KSR1: variants seen among roughly 807,000 people sequenced by gnomAD.
KSR1 encodes kinase suppressor of ras.
KSR1 carries 35 observed loss-of-function variants against 92.9 expected under a neutral mutation model. The ratio of observed to expected loss-of-function variants is 0.38; its 90% CI spans 0.29 to 0.50. KSR1 has a LOEUF of 0.50. KSR1 is among the 20% of genes least tolerant of loss of function. The pLI is 0.94. For missense variants in KSR1, 972 were observed against 1,158.5 expected, an observed-to-expected ratio of 0.84 and a Z score of 2.34; for synonymous variants, 467 against 472.6, an observed-to-expected ratio of 0.99 and a Z score of 0.15.
At chr17:27,615,966 G>T (rs2074042768) in intron 18 of KSR1, among the ~76,000 whole-genome samples, 1 of 152,142 alleles carries the variant, frequency 6.6e-6, no homozygotes, top group Non-Finnish European at 1.5e-5. Flanking sequence ...TGAGAAGTCT[G>T]GTGTTGGTCT....
rs536263618 is a variant in KSR1, at chr17:27,577,069, C to T, written c.373-423C>T. On this transcript the variant is annotated intron_variant, in intron 2 of 20. Transcript: ENST00000644974. This position sits in a 1 kb window ranked among gnomAD's most constrained non-coding sequence, Gnocchi z 4.5. ...TTTTGTTTTTTTTTTTTAAATCCTTCCTTTCTTGAGCCAGTTTGATTTGAA... is the reference window on the plus strand; with the variant it reads ...TTTTGTTTTTTTTTTTTAAATCCTTTCTTTCTTGAGCCAGTTTGATTTGAA... 1.3e-5 allele frequency among the ~76,000 whole-genome samples: 2 copies of T among 150,004 alleles called. No homozygotes were observed. The highest frequency in any genetic ancestry group is 4.2e-4 in the South Asian group (2 of 4,752).
chr17:27,535,104 G>T (rs953212455), intron 1 of KSR1, among the ~76,000 whole-genome samples: 4 of 152,108 alleles, frequency 2.6e-5, no homozygotes, highest in Admixed American at 6.5e-5. Flanking sequence ...TGTTTCAGGG[G>T]TGCTTGGTTT....
chr17:27,586,593 G>A (rs112865638), intron 5 of KSR1, among the ~76,000 whole-genome samples: 18 of 152,254 alleles, frequency 1.2e-4, no homozygotes, highest in African/African-American at 4.3e-4. Flanking sequence ...AACCTTGGAG[G>A]AACATTCAAC....
At chr17:27,536,113 G>A (rs1186080276) in intron 1 of KSR1, among the ~76,000 whole-genome samples, 1 of 152,232 alleles carries the variant, frequency 6.6e-6, no homozygotes, top group African/African-American at 2.4e-5. Context: ...CTGGGAGACA[G>A]GGCAGGCACA....
chr17:27,525,104 G>A (rs943843215), intron 1 of KSR1, among the ~76,000 whole-genome samples: 1 of 152,200 alleles, frequency 6.6e-6, no homozygotes, highest in Admixed American at 6.5e-5. Context: ...GCATTAATTT[G>A]CAGGCCACTT....
At position 27,625,487 on chromosome 17, in the gene KSR1, G is replaced by A. The variant is rs531505785; in HGVS notation, c.*2095G>A. The A allele has an allele frequency of 6.6e-6, 1 of 152,344 alleles. No homozygotes were observed. Among genetic ancestry groups the A allele is most frequent in the East Asian group, 1.9e-4 (1 of 5,194 alleles). The allele number at this position is 152,344 out of a possible 1,614,324, so 9.4% of individuals were successfully genotyped here. A position where few individuals can be genotyped will look rare whatever the true frequency, so the allele number is the denominator to read the frequency against. ...TCTTAAGGAACTGATGACCTGGTGG[G>A]GCCCTGTTGTCTTCAAGGAACCCAG... On this transcript the variant is annotated 3_prime_UTR_variant, in exon 21 of 21. Coordinates refer to ENST00000644974, the MANE Select transcript of KSR1 (RefSeq NM_001394583.1).
chr17:27,554,097 AG>A (rs1281431375), intron 2 of KSR1, among the ~76,000 whole-genome samples: 1 of 152,222 alleles, frequency 6.6e-6, no homozygotes, highest in African/African-American at 2.4e-5. Flanking sequence ...CATCAAAAAT[AG>A]GTGCAGTATT....
In KSR1 at chr17:27,610,191, G is replaced by A. The variant is rs764293717; in HGVS notation, c.2350G>A (p.Ala784Thr). The A allele has an allele frequency of 6.2e-7, 1 of 1,613,928 alleles. No individual in the cohort carries two copies. The highest frequency in any genetic ancestry group is 8.5e-7 in the Non-Finnish European group (1 of 1,179,808). ...ATTCTCCAAAGCTGCTGATGTCTATGCATTTGGGTGAGTAGGCCCCTGGTG... is the reference window on the plus strand; with the variant it reads ...ATTCTCCAAAGCTGCTGATGTCTATACATTTGGGTGAGTAGGCCCCTGGTG... ...LPFSKAADVY[A>T]FGTVWYELQA... The change falls in exon 17 of 21, where the codon GCA becomes ACA. Residue 784 changes from alanine (A) to threonine (T), a missense_variant. Around this residue, in one of 5 missense-constraint regions of KSR1, gnomAD observed 260 missense variants for 375.2 expected, o/e 0.69. Transcript: ENST00000644974.
intron 18 of KSR1, 63 bp from the exon 19 acceptor site, chr17:27,617,232 C>T (rs562269606): frequency 2.7e-5 from 41 of 1,542,740 alleles, no homozygotes; most frequent in Admixed American, 8.9e-5. Flanking sequence ...GTGGAGCACC[C>T]CTACTGTGTG....
At chr17:27,508,321 T>C (rs753758053) in intron 1 of KSR1, among the ~76,000 whole-genome samples, 8 of 152,204 alleles carry the variant, frequency 5.3e-5, no homozygotes, top group African/African-American at 9.7e-5. Context: ...TATCATTGAC[T>C]GGGTGCCTAT....
chr17:27,498,254 C>T (rs751512828), intron 1 of KSR1, among the ~76,000 whole-genome samples: 3 of 143,524 alleles, frequency 2.1e-5, no homozygotes, highest in African/African-American at 5.2e-5. Context: ...GGCATGAACT[C>T]GGGAGGCAGA....
Position 27,605,554 on chromosome 17 carries a change from G to A in KSR1, c.1735G>A (p.Val579Met), listed in dbSNP as rs373642145. 7.8e-5 allele frequency: 125 copies of A among 1,595,028 alleles called. 1 individual carries two copies. In the South Asian group the frequency reaches 9.2e-4, roughly 12 times the overall value. The change falls in exon 14 of 21, where the codon GTG (valine) becomes ATG (methionine). Residue 579 changes from valine to methionine, a missense_variant. By Grantham distance (21) the Val-to-Met change is conservative. Coordinates refer to ENST00000644974, the MANE Select transcript of KSR1 (RefSeq NM_001394583.1). ...CTCTCGCAAGGCCAGCCAGACCAGC[G>A]TGTACCTGCAGGAGTGGGACATCCC... ...PISRKASQTSVYLQEWDIPFE... is the reference protein window; with the variant it reads ...PISRKASQTSMYLQEWDIPFE...
At chr17:27,489,994 TTGTGTGTGTGCATGTGTGTATACC>T (rs993145232) in intron 1 of KSR1, among the ~76,000 whole-genome samples, 2 of 152,160 alleles carry the variant, frequency 1.3e-5, no homozygotes, top group Admixed American at 6.5e-5. Flanking sequence ...TCTGGAAGCA[TTGTGTGTGTGCATGTGTGTATACC>T]TGTGTGTGTG....
At position 27,607,974 on chromosome 17, in the gene KSR1, C is replaced by A; in HGVS notation, c.2055C>A (p.Ile685=). The A allele has an allele frequency of 1.2e-6, 2 of 1,610,858 alleles. No homozygotes were observed. Among genetic ancestry groups the A allele is most frequent in the Non-Finnish European group, 1.7e-6 (2 of 1,178,560 alleles). The change falls in exon 15 of 21, where the codon ATC becomes ATA. Residue 685 remains isoleucine (I), a synonymous_variant. Transcript: ENST00000644974. ...FVRDPKTSLD[I]NKTRQIAQEI... ...GGGACCCCAAGACGTCTCTGGACAT[C>A]AACAAGACGAGGCAAATCGCTCAGG...
chr17:27,566,427 C>T (rs1052001786), intron 2 of KSR1: 2 of 399,204 alleles, frequency 5.0e-6, no homozygotes, highest in African/African-American at 4.1e-5. Context: ...GCCAGGGCTG[C>T]CGGGGACCCT....
intron 1 of KSR1, among the ~76,000 whole-genome samples, chr17:27,535,490 G>C (rs769779667): frequency 7.2e-5 from 11 of 152,196 alleles, no homozygotes; most frequent in Non-Finnish European, 1.3e-4. Flanking sequence ...TTAAAAGGGT[G>C]TGGATGCTGA....
chr17:27,617,803 C>T (rs546158763), intron 19 of KSR1: 6 of 242,110 alleles, frequency 2.5e-5, no homozygotes, highest in Non-Finnish European at 5.2e-5. Flanking sequence ...GCTGGGATTA[C>T]GGGCATGAGT....
At chr17:27,617,217 C>T in intron 18 of KSR1, 78 bp from the exon 19 acceptor site, 1 of 1,454,806 alleles carries the variant, frequency 6.9e-7, no homozygotes, top group African/African-American at 1.4e-5. Context: ...TCAAAGGGAC[C>T]CTTTGTGGAG....
intron 11 of KSR1, among the ~76,000 whole-genome samples, chr17:27,602,809 G>C (rs921311993): frequency 6.6e-6 from 1 of 152,172 alleles, no homozygotes; most frequent in Non-Finnish European, 1.5e-5. Context: ...CAGGATGTTG[G>C]GCACATGTGT....
Sources: allele counts gnomAD v4.1 joint callset (sites outside exome capture counted in the v4.1 genomes callset), GRCh38; gene constraint gnomAD v4.1.1; regional missense constraint gnomAD v4.1.1; non-coding constraint Gnocchi (gnomAD v3.1); transcripts MANE v1.5; gene names NCBI Gene and HGNC (gene_info 2026-07-23, HGNC 2026-07-21).